Variants in SNAP23 observed in about 807,000 individuals in gnomAD.
SNAP23 encodes synaptosomal-associated protein 23.
A neutral mutation model predicts 29.0 loss-of-function variants in SNAP23; 11 were observed. The observed-to-expected ratio is 0.38, with a 90% confidence interval of 0.24 to 0.63. SNAP23 has a LOEUF of 0.63. Ranked by LOEUF, SNAP23 falls within the 20% of genes least tolerant of loss-of-function variation. SNAP23 has a pLI of 0.58. For missense variants in SNAP23, 220 were observed against 253.9 expected (o/e 0.87, Z 0.91); for synonymous variants, 60 against 82.9 (o/e 0.72, Z 1.50).
intron 4 of SNAP23, 59 bp from the exon 5 acceptor site, chr15:42,515,177 CA>C (rs1213652401): frequency 2.0e-6 from 2 of 999,712 alleles, no homozygotes; most frequent in African/African-American, 3.2e-5. Context: ...ATAATAATAG[CA>C]TTTTCTGGTT....
chr15:42,528,291 A>T lies in SNAP23; in HGVS notation c.296A>T (p.Tyr99Phe). The T allele has an allele frequency of 6.2e-7, 1 of 1,614,140 alleles. No homozygotes were observed. The highest frequency in any genetic ancestry group is 1.1e-5 in the South Asian group (1 of 91,080). ...AAGAACTTTGAGTCTGGCAAGGCTT[A>T]TAAGACAACATGGGGAGATGGTGGA... is the stretch of plus-strand genomic sequence containing the variant. ...RTKNFESGKAYKTTWGDGGEN... is the reference protein window; with the variant it reads ...RTKNFESGKAFKTTWGDGGEN... Residue 99 changes from tyrosine to phenylalanine, a missense_variant, in exon 6 of 8, where the codon TAT becomes TTT. By Grantham distance (22) the Tyr-to-Phe change is conservative. Coordinates refer to ENST00000249647, the MANE Select transcript of SNAP23 (RefSeq NM_003825.4).
chr15:42,531,775 GA>G lies in SNAP23; in HGVS notation c.*298del. 4.5e-6 allele frequency: 1 copy of G among 223,778 alleles called. No homozygotes were observed. The highest frequency in any genetic ancestry group is 2.3e-5 in the African/African-American group (1 of 44,172). The allele number at this position is 223,778 out of a possible 1,614,324, so 13.9% of individuals were successfully genotyped here. On this transcript the variant is annotated 3_prime_UTR_variant, in exon 8 of 8. Coordinates refer to ENST00000249647, the MANE Select transcript of SNAP23 (RefSeq NM_003825.4). ...CTTCAGCAGGTTCTTTTGCTTTCAA[GA>G]TTTGGAAGCATTGCCAAAGACAGCC...
At chr15:42,508,031 G>C (rs576870365) in intron 1 of SNAP23, among the ~76,000 whole-genome samples, 13 of 152,166 alleles carry the variant, frequency 8.5e-5, no homozygotes, top group African/African-American at 3.1e-4. Context: ...TGAGGTGGGA[G>C]GATTGCTTGA....
At chr15:42,491,563 G>A (rs2057164169), upstream of SNAP23, 2 of 152,216 alleles carry the variant, frequency 1.3e-5, no homozygotes, top group South Asian at 4.1e-4. Flanking sequence ...AATAATTTGT[G>A]ACTTTGGGTA....
intron 5 of SNAP23, among the ~76,000 whole-genome samples, chr15:42,523,474 A>G (rs1043030832): frequency 6.6e-6 from 1 of 152,152 alleles, no homozygotes; most frequent in Admixed American, 6.5e-5. Context: ...TCTCAAAGCC[A>G]AGAAATGGTA....
intron 5 of SNAP23, among the ~76,000 whole-genome samples, chr15:42,526,247 A>C (rs1445611492): frequency 6.6e-6 from 1 of 152,190 alleles, no homozygotes; most frequent in African/African-American, 2.4e-5. Context: ...GACCTTTCTT[A>C]TTATTAACAA....
intron 1 of SNAP23, among the ~76,000 whole-genome samples, chr15:42,497,393 G>C (rs1051026278): frequency 6.6e-6 from 1 of 152,018 alleles, no homozygotes; most frequent in East Asian, 1.9e-4. Context: ...ATTTTTAGTA[G>C]AGATGGGGTT....
At chr15:42,513,841 T>C (rs972140771) in intron 4 of SNAP23, among the ~76,000 whole-genome samples, 2 of 152,010 alleles carry the variant, frequency 1.3e-5, no homozygotes, top group Non-Finnish European at 2.9e-5. Context: ...GGGATGAAGT[T>C]TCGCTCTTCT....
At chr15:42,526,824 CACTTAG>C (rs2057507826) in intron 5 of SNAP23, among the ~76,000 whole-genome samples, 1 of 150,938 alleles carries the variant, frequency 6.6e-6, no homozygotes, top group South Asian at 2.1e-4. Flanking sequence ...CTTTTTAAGA[CACTTAG>C]ACTTATGATT....
intron 1 of SNAP23, among the ~76,000 whole-genome samples, chr15:42,510,291 A>G (rs2141521500): frequency 6.6e-6 from 1 of 152,064 alleles, no homozygotes; most frequent in South Asian, 2.1e-4. Context: ...GTGCGCCACC[A>G]TGCCTGGCTA....
At chr15:42,513,034 T>G (rs780440112) in intron 3 of SNAP23, 38 bp downstream of exon 3, 1 of 1,410,236 alleles carries the variant, frequency 7.1e-7, no homozygotes, top group East Asian at 2.3e-5. Context: ...GTATAGAAAT[T>G]TATAGGAGCG....
rs1302765587 is a variant in SNAP23, at chr15:42,529,714, C to G, written c.465C>G (p.Asn155Lys). ...NDAREDEMEE[N>K]LTQVGSILGN... ...CCAGAGAAGATGAAATGGAAGAGAACCTGACTCAAGTGGGCAGTATCCTGG... is the reference window on the plus strand; with the variant it reads ...CCAGAGAAGATGAAATGGAAGAGAAGCTGACTCAAGTGGGCAGTATCCTGG... The change falls in exon 7 of 8, where the codon AAC becomes AAG. Residue 155 changes from asparagine (N) to lysine (K), a missense_variant. Transcript: ENST00000249647. 3.7e-6 allele frequency: 6 copies of G among 1,614,002 alleles called. No homozygotes were observed. The highest frequency in any genetic ancestry group is 5.1e-6 in the Non-Finnish European group (6 of 1,179,962).
intron 1 of SNAP23, among the ~76,000 whole-genome samples, chr15:42,497,463 C>T (rs2057230906): frequency 6.6e-6 from 1 of 152,078 alleles, no homozygotes; most frequent in African/African-American, 2.4e-5. Context: ...CCGGCCTCCG[C>T]CTCCCAAAGT....
chr15:42,493,178 C>CA (rs1012951374), upstream of SNAP23, among the ~76,000 whole-genome samples: 15 of 152,036 alleles, frequency 9.9e-5, no homozygotes, highest in Admixed American at 3.3e-4. Flanking sequence ...CGTGTCTCTA[C>CA]AAAAAATGCA....
chr15:42,506,100 C>G (rs1192703980), intron 1 of SNAP23, among the ~76,000 whole-genome samples: 1 of 151,826 alleles, frequency 6.6e-6, no homozygotes, highest in Admixed American at 6.6e-5. Context: ...CGCCCACCAC[C>G]ACACCTGGCT....
chr15:42,515,757 A>G (rs140791400), intron 5 of SNAP23, among the ~76,000 whole-genome samples: 1 of 152,344 alleles, frequency 6.6e-6, no homozygotes, highest in Non-Finnish European at 1.5e-5. Context: ...ATGGCAAAAC[A>G]TAAAAAATAC....
At chr15:42,514,218 G>A (rs2057380661) in intron 4 of SNAP23, among the ~76,000 whole-genome samples, 2 of 151,562 alleles carry the variant, frequency 1.3e-5, no homozygotes, top group South Asian at 4.2e-4. Context: ...GCTTACTCCA[G>A]GATCCTCTAC....
At chr15:42,494,444 G>C (rs184082651), upstream of SNAP23, among the ~76,000 whole-genome samples, 7 of 144,884 alleles carry the variant, frequency 4.8e-5, no homozygotes, top group African/African-American at 1.8e-4. Flanking sequence ...GCCAGTGATA[G>C]ACATTATGAT....
intron 1 of SNAP23, among the ~76,000 whole-genome samples, chr15:42,511,070 C>G (rs2057355133): frequency 6.6e-6 from 1 of 152,188 alleles, no homozygotes; most frequent in South Asian, 2.1e-4. Flanking sequence ...CTTGTTATTA[C>G]TCCACATGAC....
Sources: gnomAD v4.1 joint callset for allele counts (sites outside exome capture counted in the v4.1 genomes callset) on GRCh38, gnomAD v4.1.1 for gene constraint, MANE v1.5 for transcripts, NCBI Gene and HGNC (gene_info 2026-07-23, HGNC 2026-07-21) for gene names.